FAT3: variants seen among roughly 807,000 people sequenced by gnomAD.
The protein encoded by FAT3 is protocadherin Fat 3.
In FAT3, 95 loss-of-function variants were observed where a neutral mutation model predicts 310.2. That is an observed-to-expected ratio of 0.31 (90% CI 0.26 to 0.36). FAT3 has a LOEUF of 0.36. Ranked by LOEUF, FAT3 falls within the 10% of genes least tolerant of loss-of-function variation. FAT3 has a pLI of 1.00. For missense variants in FAT3, 5,408 were observed against 5,715.6 expected, an observed-to-expected ratio of 0.95 and a Z score of 1.74; for synonymous variants, 2,314 against 2,192.9, an observed-to-expected ratio of 1.06 and a Z score of -1.54.
chr11:92,880,425 C>T (rs1565674068), intron 22 of FAT3, among the ~76,000 whole-genome samples: 1 of 151,338 alleles, frequency 6.6e-6, no homozygotes, highest in Non-Finnish European at 1.5e-5. Context: ...GGGGAGAAAA[C>T]ATCTTCCTCC....
chr11:92,548,784 G>T (rs903772098), intron 3 of FAT3, among the ~76,000 whole-genome samples: 2 of 151,806 alleles, frequency 1.3e-5, no homozygotes, highest in Non-Finnish European at 2.9e-5. Flanking sequence ...TGAGAGAGGG[G>T]GTATTTTCCT....
At chr11:92,415,767 T>C (rs1163094942) in intron 2 of FAT3, among the ~76,000 whole-genome samples, 1 of 151,594 alleles carries the variant, frequency 6.6e-6, no homozygotes, top group African/African-American at 2.4e-5. Context: ...TACTTTATTA[T>C]AGCTCCTACC....
intron 3 of FAT3, among the ~76,000 whole-genome samples, chr11:92,666,219 A>G (rs1294015921): frequency 1.3e-5 from 2 of 152,214 alleles, no homozygotes; most frequent in African/African-American, 2.4e-5. Flanking sequence ...ATCAAGCTTG[A>G]GAGGAGTCAA....
At chr11:92,302,643 AT>A (rs999031321) in intron 1 of FAT3, among the ~76,000 whole-genome samples, 2 of 151,388 alleles carry the variant, frequency 1.3e-5, no homozygotes, top group Non-Finnish European at 2.9e-5. Flanking sequence ...ATTTATAAAC[AT>A]TTTTTTTTCA....
intron 3 of FAT3, among the ~76,000 whole-genome samples, chr11:92,617,534 T>C (rs886502048): frequency 6.6e-6 from 1 of 152,182 alleles, no homozygotes; most frequent in African/African-American, 2.4e-5. Context: ...GGAGGAGCTG[T>C]GTTTCTTTGG....
At chr11:92,608,869 C>T (rs963763541) in intron 3 of FAT3, among the ~76,000 whole-genome samples, 1 of 152,130 alleles carries the variant, frequency 6.6e-6, no homozygotes, top group Admixed American at 6.5e-5. Flanking sequence ...CCTCCCTTTG[C>T]AGGGGCCTGC....
chr11:92,567,445 A>G (rs1389663575), intron 3 of FAT3, among the ~76,000 whole-genome samples: 7 of 149,530 alleles, frequency 4.7e-5, no homozygotes, highest in Non-Finnish European at 8.9e-5. Flanking sequence ...GTGGGACTGT[A>G]AACTAGTTCA....
intron 3 of FAT3, among the ~76,000 whole-genome samples, chr11:92,630,009 G>A (rs968588785): frequency 2.0e-5 from 3 of 152,138 alleles, no homozygotes; most frequent in Non-Finnish European, 2.9e-5. Context: ...TGTGCGCTCA[G>A]ATATTGGACA....
intron 1 of FAT3, among the ~76,000 whole-genome samples, chr11:92,238,680 A>C (rs1864539925): frequency 6.6e-6 from 1 of 152,088 alleles, no homozygotes. Context: ...ATACTGCCCT[A>C]AATTATTTAA....
At chr11:92,262,916 G>A (rs905445689) in intron 1 of FAT3, among the ~76,000 whole-genome samples, 6 of 151,994 alleles carry the variant, frequency 3.9e-5, no homozygotes, top group South Asian at 2.1e-4. Context: ...AATTACTGTC[G>A]TCAAGGTGGC....
At chr11:92,773,356 G>A (rs2083389135) in intron 6 of FAT3, among the ~76,000 whole-genome samples, 2 of 152,142 alleles carry the variant, frequency 1.3e-5, no homozygotes. Flanking sequence ...ATAAGCTGAT[G>A]TTTTCTTCTA....
chr11:92,349,936 G>C (rs755604320), intron 1 of FAT3, among the ~76,000 whole-genome samples: 30 of 151,158 alleles, frequency 2.0e-4, no homozygotes, highest in Admixed American at 4.0e-4. Context: ...GCATTTGCAT[G>C]CTCAGGGTTT....
intron 3 of FAT3, among the ~76,000 whole-genome samples, chr11:92,535,358 C>T (rs991016447): frequency 6.6e-6 from 1 of 152,194 alleles, no homozygotes; most frequent in East Asian, 1.9e-4. Flanking sequence ...AATCTGCCAA[C>T]AACCTGATTG....
At chr11:92,723,795 T>C (rs1459679306) in intron 4 of FAT3, among the ~76,000 whole-genome samples, 1 of 152,130 alleles carries the variant, frequency 6.6e-6, no homozygotes, top group Non-Finnish European at 1.5e-5. Flanking sequence ...CCCATGAGAC[T>C]TACTCACTAT....
Position 92,801,057 on chromosome 11 carries a change from G to C in FAT3, c.8044G>C (p.Asp2682His). ...GCTTTCGTTCTTTGTCAAAGCAGTA[G>C]ATGGGGGCATCCCAGTAAAGCACTC... ...TVLSFFVKAV[D>H]GGIPVKHSLI... The change falls in exon 10 of 28, where the codon GAT (aspartate) becomes CAT (histidine). Residue 2682 changes from aspartate to histidine, a missense_variant. Physicochemically the swap from Asp to His is moderately conservative, Grantham distance 81 (BLOSUM62 -1). Around this residue, in one of 5 missense-constraint regions of FAT3, gnomAD observed 4,588 missense variants for 4,809.8 expected, o/e 0.95. Coordinates refer to ENST00000525166, the MANE Select transcript of FAT3 (RefSeq NM_001367949.2). The C allele has an allele frequency of 6.2e-7, 1 of 1,613,880 alleles. No homozygotes were observed. The highest frequency in any genetic ancestry group is 8.5e-7 in the Non-Finnish European group (1 of 1,179,842).
At chr11:92,428,384 G>T (rs1286890098) in intron 2 of FAT3, among the ~76,000 whole-genome samples, 1 of 148,760 alleles carries the variant, frequency 6.7e-6, no homozygotes, top group Non-Finnish European at 1.5e-5. Context: ...AACTCCTTCA[G>T]TTCTGCTCTG....
At chr11:92,286,568 T>A (rs1946566780) in intron 1 of FAT3, among the ~76,000 whole-genome samples, 1 of 152,178 alleles carries the variant, frequency 6.6e-6, no homozygotes, top group Admixed American at 6.5e-5. Flanking sequence ...ATGCTTGAGT[T>A]AGCAGTAGTC....
At chr11:92,559,644 G>T (rs1955152603) in intron 3 of FAT3, 2 of 165,532 alleles carry the variant, frequency 1.2e-5, no homozygotes, top group South Asian at 1.3e-4. Context: ...CCCAAGCACT[G>T]GAATTACAGG....
intron 3 of FAT3, among the ~76,000 whole-genome samples, chr11:92,562,733 A>G (rs2135474784): frequency 6.6e-6 from 1 of 152,226 alleles, no homozygotes; most frequent in Middle Eastern, 3.4e-3. Context: ...AGGCCCAAGA[A>G]CCATAAACTC....
Sources: allele counts gnomAD v4.1 joint callset (sites outside exome capture counted in the v4.1 genomes callset), GRCh38; gene constraint gnomAD v4.1.1; regional missense constraint gnomAD v4.1.1; transcripts MANE v1.5; gene names NCBI Gene and HGNC (gene_info 2026-07-23, HGNC 2026-07-21).